LAMA2: variants seen among roughly 807,000 people sequenced by gnomAD.
The protein encoded by LAMA2 is laminin subunit alpha 2, also known as laminin subunit alpha-2.
In LAMA2, 269 loss-of-function variants were observed where a neutral mutation model predicts 364.8. The observed-to-expected ratio is 0.74, with a 90% CI of 0.67 to 0.82. The LOEUF is 0.82. Ranked by LOEUF, LAMA2 falls within the 40% of genes least tolerant of loss-of-function variation. The probability of loss-of-function intolerance (pLI) is 0.00; values close to 1 mark genes in which losing one functional copy is unlikely to be tolerated. For synonymous variants in LAMA2, 1,379 were observed against 1,370.6 expected, an observed-to-expected ratio of 1.01 and a Z score of -0.14; for missense variants, 3,807 against 3,873.2, an observed-to-expected ratio of 0.98 and a Z score of 0.45.
At chr6:129,481,114 G>T in intron 54 of LAMA2, 149 bp from the exon 55 acceptor site, 1 of 673,022 alleles carries the variant, frequency 1.5e-6, no homozygotes. Context: ...TTCTTCAACT[G>T]CTCTTAAACT....
At chr6:129,069,794 C>T (rs1468313670) in intron 3 of LAMA2, among the ~76,000 whole-genome samples, 2 of 146,608 alleles carry the variant, frequency 1.4e-5, no homozygotes, top group East Asian at 2.0e-4. Flanking sequence ...TAATTATATA[C>T]AATATAATAA....
chr6:129,389,678 C>T (rs145322853), intron 35 of LAMA2, among the ~76,000 whole-genome samples: 5 of 152,228 alleles, frequency 3.3e-5, no homozygotes, highest in African/African-American at 1.2e-4. Flanking sequence ...AGGAAATTTA[C>T]GATCATGGCA....
intron 41 of LAMA2, among the ~76,000 whole-genome samples, chr6:129,430,038 TA>T (rs1158572168): frequency 1.2e-4 from 19 of 152,208 alleles, no homozygotes; most frequent in African/African-American, 3.9e-4. Flanking sequence ...ACTCAAGTAA[TA>T]ATTCCTCTAG....
At chr6:129,200,315 TAC>T (rs1782167140) in intron 12 of LAMA2, among the ~76,000 whole-genome samples, 1 of 124,088 alleles carries the variant, frequency 8.1e-6, no homozygotes, top group South Asian at 2.5e-4. Context: ...TGTATATATA[TAC>T]GTGTACACAT....
At chr6:129,472,021 A>T (rs1783837373) in intron 51 of LAMA2, among the ~76,000 whole-genome samples, 1 of 151,944 alleles carries the variant, frequency 6.6e-6, no homozygotes, top group South Asian at 2.1e-4. Context: ...AGTGAAAATA[A>T]TAGTATTTCG....
At chr6:129,311,415 C>G (rs1300927490) in intron 22 of LAMA2, among the ~76,000 whole-genome samples, 1 of 152,212 alleles carries the variant, frequency 6.6e-6, no homozygotes, top group African/African-American at 2.4e-5. Context: ...GCCACCGCGC[C>G]CGGCCTAATG....
At chr6:128,948,574 G>A (rs973363690) in intron 1 of LAMA2, among the ~76,000 whole-genome samples, 1 of 152,116 alleles carries the variant, frequency 6.6e-6, no homozygotes, top group Non-Finnish European at 1.5e-5. Context: ...AAATGTGATT[G>A]ATATGATTTG....
chr6:129,224,301 T>C (rs543697646), intron 12 of LAMA2, among the ~76,000 whole-genome samples: 106 of 152,306 alleles, frequency 7.0e-4, no homozygotes, highest in Non-Finnish European at 1.3e-3. Context: ...ACAGGGACAA[T>C]TTGACTACCT....
intron 21 of LAMA2, among the ~76,000 whole-genome samples, chr6:129,300,293 A>G (rs1461925706): frequency 6.6e-6 from 1 of 152,214 alleles, no homozygotes; most frequent in Non-Finnish European, 1.5e-5. Flanking sequence ...TAAGAAGCTT[A>G]TTAAGCTTAT....
intron 3 of LAMA2, among the ~76,000 whole-genome samples, chr6:129,086,212 C>T (rs973682925): frequency 1.3e-5 from 2 of 152,210 alleles, no homozygotes; most frequent in African/African-American, 4.8e-5. Context: ...ATGCAGGGTG[C>T]AGCATCCCTA....
At chr6:129,201,883 A>G (rs1352535209) in intron 12 of LAMA2, among the ~76,000 whole-genome samples, 1 of 152,164 alleles carries the variant, frequency 6.6e-6, no homozygotes, top group Non-Finnish European at 1.5e-5. Flanking sequence ...GAAAATTGTA[A>G]AAGCAATCAG....
rs1783899574 is a variant in LAMA2 at position 129,473,229 on chromosome 6, T to C, written c.7316T>C (p.Val2439Ala). 6.3e-7 allele frequency: 1 copy of C among 1,599,282 alleles called. No homozygotes were observed. Among genetic ancestry groups the C allele is most frequent in the Admixed American group, 1.7e-5 (1 of 59,862 alleles). Residue 2439 changes from valine to alanine, a missense_variant, in exon 52 of 65, where the codon GTA (valine) becomes GCA (alanine). By Grantham distance (64) the Val-to-Ala change is moderately conservative (BLOSUM62 0). Transcript: ENST00000421865. ...TCCTTTACAGCCAATATATCAATTG[T>C]AGATATAGATACTAATCAGGAGGAG... ...RIQKQANISI[V>A]DIDTNQEENI...
At chr6:128,966,160 C>T (rs1454997398) in intron 1 of LAMA2, among the ~76,000 whole-genome samples, 1 of 151,692 alleles carries the variant, frequency 6.6e-6, no homozygotes, top group Admixed American at 6.6e-5. Flanking sequence ...TTTAAAGATT[C>T]TGTTGAATAG....
intron 3 of LAMA2, among the ~76,000 whole-genome samples, chr6:129,068,645 C>G (rs1261285909): frequency 1.3e-5 from 2 of 152,170 alleles, no homozygotes; most frequent in Non-Finnish European, 2.9e-5. Flanking sequence ...GGAACAGAAA[C>G]ATTCAGTCTA....
intron 35 of LAMA2, among the ~76,000 whole-genome samples, chr6:129,389,430 T>G (rs1779198770): frequency 6.6e-6 from 1 of 152,196 alleles, no homozygotes; most frequent in Non-Finnish European, 1.5e-5. Flanking sequence ...CAGAGATGGC[T>G]GTCTCCTTGT....
intron 12 of LAMA2, among the ~76,000 whole-genome samples, chr6:129,210,003 C>CAAAAAAAAAAAAAAAAAAA (rs374127279): frequency 1.9e-4 from 13 of 67,656 alleles, no homozygotes; most frequent in Non-Finnish European, 2.4e-4. Flanking sequence ...GACTCCATCT[C>CAAAAAAAAAAAAAAAAAAA]AAAAAAAAAA....
intron 35 of LAMA2, among the ~76,000 whole-genome samples, chr6:129,384,673 CAG>C: frequency 6.6e-6 from 1 of 152,204 alleles, no homozygotes; most frequent in South Asian, 2.1e-4. Context: ...TGTGGACCAA[CAG>C]GGGTAGACTG....
intron 18 of LAMA2, among the ~76,000 whole-genome samples, chr6:129,283,700 C>A (rs1788894224): frequency 6.6e-6 from 1 of 151,212 alleles, no homozygotes; most frequent in Admixed American, 6.6e-5. Context: ...CTTTTTGTAT[C>A]TTAAATTTCA....
chr6:129,085,660 G>T lies in LAMA2; in HGVS notation c.397-12513G>T, dbSNP rs77907981. On this transcript the variant is annotated intron_variant, in intron 3 of 64. Coordinates refer to ENST00000421865, the MANE Select transcript of LAMA2 (RefSeq NM_000426.4). ...TTTCTGAAGGCAGCATGAAAAGGAC[G>T]GAGGAGTTCTCTAAGGACTGTGAGT... 9.8e-3 allele frequency among the ~76,000 whole-genome samples: 1,489 copies of T among 152,164 alleles called. 30 individuals carry two copies. The highest frequency in any genetic ancestry group is 0.034 in the African/African-American group (1,428 of 41,462).
Sources: gnomAD v4.1 joint callset for allele counts (sites outside exome capture counted in the v4.1 genomes callset) on GRCh38, gnomAD v4.1.1 for gene constraint, MANE v1.5 for transcripts, NCBI Gene and HGNC (gene_info 2026-07-23, HGNC 2026-07-21) for gene names.